Variants in CLTCL1 observed in about 807,000 individuals in gnomAD.
The protein encoded by CLTCL1 is clathrin heavy chain 2.
CLTCL1 carries 159 observed loss-of-function variants against 190.0 expected under a neutral mutation model. The observed-to-expected ratio is 0.84, with a 90% CI of 0.74 to 0.95. The LOEUF (loss-of-function observed/expected upper bound fraction) is 0.95, where lower values mean the gene tolerates loss of function less well. Ranked by LOEUF, CLTCL1 falls within the 40% of genes least tolerant of loss-of-function variation. CLTCL1 has a pLI of 0.00. For synonymous variants in CLTCL1, 752 were observed against 769.6 expected (o/e 0.98, Z 0.38); for missense variants, 1,878 against 2,033.4 (o/e 0.92, Z 1.47).
chr22:19,201,294 G>T, intron 23 of CLTCL1, 35 bp downstream of exon 23: 1 of 1,582,266 alleles, frequency 6.3e-7, no homozygotes, highest in Middle Eastern at 2.2e-4. Flanking sequence ...TGCCTGTCCA[G>T]CACACTCTGC....
chr22:19,256,958 A>G (rs964196831), intron 2 of CLTCL1, among the ~76,000 whole-genome samples: 3 of 152,230 alleles, frequency 2.0e-5, no homozygotes, highest in African/African-American at 7.2e-5. Context: ...AATAAAACCT[A>G]TGTTATTGTC....
At chr22:19,211,519 A>G (rs2085219001) in intron 19 of CLTCL1, among the ~76,000 whole-genome samples, 1 of 152,184 alleles carries the variant, frequency 6.6e-6, no homozygotes, top group Non-Finnish European at 1.5e-5. Flanking sequence ...CTGTAATCCC[A>G]GCACTTTGGG....
At chr22:19,257,860 G>A (rs782318494) in intron 2 of CLTCL1, 43 of 1,408,758 alleles carry the variant, frequency 3.1e-5, no homozygotes, top group Non-Finnish European at 4.0e-5. Flanking sequence ...AGCAAAAACC[G>A]GGAGCACCTG....
At chr22:19,246,279 C>T (rs950280581) in intron 3 of CLTCL1, among the ~76,000 whole-genome samples, 5 of 151,960 alleles carry the variant, frequency 3.3e-5, no homozygotes, top group African/African-American at 1.2e-4. Flanking sequence ...CCAGGATGGT[C>T]TTGATCTCCT....
At position 19,229,881 on chromosome 22, in the gene CLTCL1, A is replaced by G. The variant is rs782816968; in HGVS notation, c.1739T>C (p.Leu580Pro). The part of the protein sequence containing the change: ...LKNNRPAEGL[L>P]QTWLLEMNLV... ...GTTCATCTCCAACAGCCATGTCTGC[A>G]GGAGTCCCTCAGCTGGGCGATTATT... The change falls in exon 11 of 33, where the codon CTG becomes CCG. Residue 580 changes from leucine to proline, a missense_variant. By Grantham distance (98) the Leu-to-Pro change is moderately conservative (BLOSUM62 -3). Coordinates refer to ENST00000427926, the MANE Select transcript of CLTCL1 (RefSeq NM_007098.4). 1.2e-6 allele frequency: 2 copies of G among 1,612,156 alleles called. No individual in the cohort carries two copies.
Position 19,219,872 on chromosome 22 carries a change from C to A in CLTCL1, c.2919+13G>T. 1 of 1,614,066 alleles carries A rather than the reference C, an allele frequency of 6.2e-7. No individual in the cohort carries two copies. Among genetic ancestry groups the A allele is most frequent in the East Asian group, 2.2e-5 (1 of 44,894 alleles). ...AATGCAGGTGTGCAGACATACCCAT[C>A]TCTGTGCCTCACCTGGTCAATTAGC... On this transcript the variant is annotated intron_variant, in intron 18 of 32. Coordinates refer to ENST00000427926, the MANE Select transcript of CLTCL1 (RefSeq NM_007098.4).
In CLTCL1 at chr22:19,198,056, A is replaced by G. The variant is rs1284409306; in HGVS notation, c.3874-1400T>C. ...AGCGGGCAGCTCAAGACTTAGCACC[A>G]TGTGTCCAAAAAGTAATTCTTGTCC... On this transcript the variant is annotated intron_variant, in intron 24 of 32. Coordinates refer to ENST00000427926, the MANE Select transcript of CLTCL1 (RefSeq NM_007098.4). The surrounding 1 kb of genome is among the most constrained non-coding windows in gnomAD (Gnocchi z 4.1). Among the ~76,000 whole-genome samples, 1 of 152,192 alleles carries G rather than the reference A, an allele frequency of 6.6e-6. No homozygotes were observed. Among genetic ancestry groups the G allele is most frequent in the African/African-American group, 2.4e-5 (1 of 41,450 alleles).
intron 18 of CLTCL1, among the ~76,000 whole-genome samples, chr22:19,219,611 G>A (rs1395017352): frequency 6.6e-6 from 1 of 151,770 alleles, no homozygotes; most frequent in East Asian, 1.9e-4. Context: ...AGCCTCCCAA[G>A]TAGCTGGGAT....
chr22:19,207,385 G>A (rs528193274), intron 22 of CLTCL1: 2 of 392,232 alleles, frequency 5.1e-6, no homozygotes, highest in East Asian at 7.2e-5. Flanking sequence ...TTGTTTTCTT[G>A]TAGTAAACAG....
intron 17 of CLTCL1, among the ~76,000 whole-genome samples, chr22:19,220,625 C>A (rs1255400196): frequency 3.3e-5 from 5 of 152,200 alleles, no homozygotes; most frequent in Non-Finnish European, 5.9e-5. Flanking sequence ...TGGTGAGGAT[C>A]AGATCTGTTG....
rs782062458 is a variant in CLTCL1 at position 19,276,844 on chromosome 22, A to AT, written c.43-1015dup. Among the ~76,000 whole-genome samples the AT allele has an allele frequency of 1.8e-3, 277 of 150,010 alleles. 1 individual carries two copies. Among genetic ancestry groups the AT allele is most frequent in the African/African-American group, 5.7e-3 (232 of 40,882 alleles). ...GCCACCACGCCTGGCTATTTTTTGT[A>AT]TTTTTTTTTAGTAGAGACGGGGTTT... On this transcript the variant is annotated intron_variant, in intron 1 of 32. Transcript: ENST00000427926.
chr22:19,236,804 T>A (rs527554184), intron 5 of CLTCL1, among the ~76,000 whole-genome samples: 1 of 152,184 alleles, frequency 6.6e-6, no homozygotes, highest in East Asian at 1.9e-4. Flanking sequence ...AATTAGTAGG[T>A]AACATATTAG....
At position 19,235,782 on chromosome 22, in the gene CLTCL1, T is replaced by C. The variant is rs374515762; in HGVS notation, c.883A>G (p.Met295Val). 1 of 1,614,024 alleles carries C rather than the reference T, an allele frequency of 6.2e-7. No individual in the cohort carries two copies. Among genetic ancestry groups the C allele is most frequent in the East Asian group, 2.2e-5 (1 of 44,882 alleles). ...YDLESGVCIC[M>V]NRISADTIFV... ...ATTGTGTCAGCACTAATACGGTTCA[T>C]GCAGATGCACACGCCAGACTCTAGG... is the stretch of plus-strand genomic sequence containing the variant. Residue 295 changes from methionine (M) to valine (V), a missense_variant, in exon 6 of 33, where the codon ATG becomes GTG. Transcript: ENST00000427926.
At chr22:19,256,298 T>C (rs1020101193) in intron 2 of CLTCL1, among the ~76,000 whole-genome samples, 5 of 151,522 alleles carry the variant, frequency 3.3e-5, no homozygotes, top group Non-Finnish European at 4.4e-5. Context: ...GTTGGGACTA[T>C]AGGCATGCAC....
intron 2 of CLTCL1, among the ~76,000 whole-genome samples, chr22:19,273,421 C>A (rs1472241613): frequency 6.6e-6 from 1 of 152,070 alleles, no homozygotes; most frequent in Non-Finnish European, 1.5e-5. Flanking sequence ...CCATTAAGAA[C>A]GAAAATAAAA....
At chr22:19,204,331 C>T (rs1569166287) in intron 22 of CLTCL1, among the ~76,000 whole-genome samples, 1 of 152,296 alleles carries the variant, frequency 6.6e-6, no homozygotes, top group African/African-American at 2.4e-5. Context: ...CCCCACAATG[C>T]TCCTCACAGG....
chr22:19,223,615 C>G (rs1178930793), intron 14 of CLTCL1, among the ~76,000 whole-genome samples: 1 of 152,178 alleles, frequency 6.6e-6, no homozygotes, highest in Admixed American at 6.5e-5. Flanking sequence ...CTTTGCCTGC[C>G]TAATTGACAA....
In CLTCL1 at chr22:19,208,930, C is replaced by T; in HGVS notation, c.3434G>A (p.Ser1145Asn). 1 of 1,606,088 alleles carries T rather than the reference C, an allele frequency of 6.2e-7. No homozygotes were observed. The highest frequency in any genetic ancestry group is 1.1e-5 in the South Asian group (1 of 89,386). Residue 1145 changes from serine (S) to asparagine (N), a missense_variant, in exon 21 of 33, where the codon AGC becomes AAC. Ser to Asn is a conservative substitution (Grantham distance 46). Transcript: ENST00000427926. ...AGAGGGGACTCACTTACTGCTCCTG[C>T]TGGCTGACTGAACAACTTCCAGGTA... Reference protein sequence around the residue: ...SSYLEVVQSASRSNNWEDLVK... With the variant: ...SSYLEVVQSANRSNNWEDLVK...
intron 31 of CLTCL1, among the ~76,000 whole-genome samples, 177 bp downstream of exon 31, chr22:19,180,554 G>A (rs1035853925): frequency 3.3e-5 from 5 of 152,146 alleles, no homozygotes; most frequent in East Asian, 1.9e-4. Flanking sequence ...GGAGGACAGC[G>A]GCCGTGCCAA....
Sources: gnomAD v4.1 joint callset for allele counts (sites outside exome capture counted in the v4.1 genomes callset) on GRCh38, gnomAD v4.1.1 for gene constraint, Gnocchi (gnomAD v3.1) non-coding constraint, MANE v1.5 for transcripts, NCBI Gene and HGNC (gene_info 2026-07-23, HGNC 2026-07-21) for gene names.